GRIP1: variants seen among roughly 807,000 people sequenced by gnomAD.
The protein encoded by GRIP1 is glutamate receptor-interacting protein 1.
A neutral mutation model predicts 129.9 loss-of-function variants in GRIP1; 45 were observed. That is an observed-to-expected ratio of 0.35 (90% confidence interval 0.27 to 0.44). The LOEUF is 0.44. Ranked by LOEUF, GRIP1 falls within the 20% of genes least tolerant of loss-of-function variation. The pLI is 1.00. For synonymous variants in GRIP1, 530 were observed against 520.8 expected, an observed-to-expected ratio of 1.02 and a Z score of -0.24; for missense variants, 1,196 against 1,396.8, an observed-to-expected ratio of 0.86 and a Z score of 2.29.
intron 7 of GRIP1, among the ~76,000 whole-genome samples, chr12:66,490,024 G>T (rs2060063434): frequency 6.6e-6 from 1 of 152,114 alleles, no homozygotes; most frequent in Admixed American, 6.6e-5. Context: ...TGGATAGGAA[G>T]AATCAATATT....
intron 24 of GRIP1, among the ~76,000 whole-genome samples, chr12:66,352,436 G>A (rs564319426): frequency 1.3e-5 from 2 of 152,266 alleles, no homozygotes; most frequent in East Asian, 1.9e-4. Flanking sequence ...GCTGAAGCTA[G>A]AGAGTATACG....
intron 13 of GRIP1, among the ~76,000 whole-genome samples, chr12:66,440,466 T>C (rs1310164007): frequency 2.0e-5 from 3 of 152,204 alleles, no homozygotes; most frequent in Non-Finnish European, 4.4e-5. Flanking sequence ...CTATCATCAC[T>C]ACTCTTCCAA....
At chr12:66,622,941 T>C (rs751403954) in intron 1 of GRIP1, among the ~76,000 whole-genome samples, 1 of 152,188 alleles carries the variant, frequency 6.6e-6, no homozygotes, top group African/African-American at 2.4e-5. Context: ...CTACAAGATT[T>C]ACTATACAGA....
At chr12:66,636,952 G>A (rs1002532542) in intron 1 of GRIP1, among the ~76,000 whole-genome samples, 22 of 152,180 alleles carry the variant, frequency 1.4e-4, no homozygotes, top group African/African-American at 4.8e-4. Context: ...GACAGCCTGA[G>A]CAAACTAAGT....
intron 1 of GRIP1, among the ~76,000 whole-genome samples, chr12:66,639,924 T>A (rs942888449): frequency 6.6e-6 from 1 of 152,170 alleles, no homozygotes; most frequent in African/African-American, 2.4e-5. Flanking sequence ...TTAAACAACA[T>A]CATTCTCTAT....
chr12:67,042,035 AATTAATGCTG>A (rs2043188705), intron 1 of GRIP1, among the ~76,000 whole-genome samples: 7 of 152,254 alleles, frequency 4.6e-5, no homozygotes, highest in African/African-American at 1.7e-4. Flanking sequence ...CTCATGAGTG[AATTAATGCTG>A]TTACAGCAGG....
chr12:67,052,325 G>A (rs1403125452), intron 1 of GRIP1, among the ~76,000 whole-genome samples: 1 of 152,134 alleles, frequency 6.6e-6, no homozygotes, highest in Non-Finnish European at 1.5e-5. Context: ...ACTGCATCAT[G>A]TGTAATAACA....
At position 66,385,530 on chromosome 12, in the gene GRIP1, C is replaced by G. The variant is rs141902468; in HGVS notation, c.2465-6094G>C. On this transcript the variant is annotated intron_variant, in intron 19 of 24. Coordinates refer to ENST00000359742, the MANE Select transcript of GRIP1 (RefSeq NM_001366722.1). ...CAGCCTGGGTGATAAAAGCAAAACT[C>G]GGTCTCAAAAAATAAAATAATAAAA... is the stretch of plus-strand genomic sequence containing the variant. 2.7e-3 allele frequency among the ~76,000 whole-genome samples: 413 copies of G among 152,004 alleles called. 4 individuals are homozygous for G. The highest frequency in any genetic ancestry group is 8.6e-3 in the African/African-American group (356 of 41,460).
intron 2 of GRIP1, among the ~76,000 whole-genome samples, chr12:66,547,156 C>G: frequency 6.6e-6 from 1 of 151,954 alleles, no homozygotes; most frequent in South Asian, 2.1e-4. Flanking sequence ...TAAGTACACA[C>G]GAAAAAATGC....
At chr12:66,600,104 C>G (rs935912432) in intron 1 of GRIP1, among the ~76,000 whole-genome samples, 2 of 152,260 alleles carry the variant, frequency 1.3e-5, no homozygotes, top group South Asian at 4.1e-4. Context: ...GTATATAAAT[C>G]CCATTCTTCC....
At chr12:66,705,545 GA>G (rs1218812580) in intron 1 of GRIP1, among the ~76,000 whole-genome samples, 1 of 152,086 alleles carries the variant, frequency 6.6e-6, no homozygotes, top group Admixed American at 6.6e-5. Context: ...CACAGAATTA[GA>G]AAAAACTATT....
intron 7 of GRIP1, among the ~76,000 whole-genome samples, chr12:66,500,943 CTTCTT>C (rs1299347938): frequency 6.6e-6 from 1 of 152,210 alleles, no homozygotes; most frequent in East Asian, 1.9e-4. Flanking sequence ...TAGAGAAACT[CTTCTT>C]TAATCTTAAA....
upstream of GRIP1, among the ~76,000 whole-genome samples, chr12:66,683,266 A>C (rs2136288060): frequency 6.6e-6 from 1 of 152,278 alleles, no homozygotes; most frequent in Non-Finnish European, 1.5e-5. Context: ...CATGAGCTCA[A>C]ACATGTTATA....
chr12:66,833,154 G>A (rs2039548745), intron 1 of GRIP1, among the ~76,000 whole-genome samples: 1 of 152,200 alleles, frequency 6.6e-6, no homozygotes, highest in African/African-American at 2.4e-5. Context: ...AAGACATGGT[G>A]TTAAGGAAGG....
intron 1 of GRIP1, among the ~76,000 whole-genome samples, chr12:66,718,287 G>C (rs190599928): frequency 1.3e-5 from 2 of 152,084 alleles, no homozygotes; most frequent in African/African-American, 2.4e-5. Flanking sequence ...TGCTCCACTT[G>C]TTGAGCCTAA....
chr12:66,531,328 TATATAC>T (rs1186035242), intron 4 of GRIP1, among the ~76,000 whole-genome samples: 1 of 61,552 alleles, frequency 1.6e-5, no homozygotes, highest in African/African-American at 8.9e-5. Flanking sequence ...TACATATACA[TATATAC>T]ATATATATAC....
chr12:66,711,523 A>T (rs1009110395), intron 1 of GRIP1, among the ~76,000 whole-genome samples: 4 of 151,814 alleles, frequency 2.6e-5, no homozygotes, highest in African/African-American at 9.7e-5. Flanking sequence ...AATAAAGCAA[A>T]ATTTACTGTG....
chr12:66,539,152 T>C lies in GRIP1; in HGVS notation c.344A>G (p.Asp115Gly), dbSNP rs776421623. 6.2e-7 allele frequency: 1 copy of C among 1,614,122 alleles called. No individual in the cohort carries two copies. The highest frequency in any genetic ancestry group is 1.1e-5 in the South Asian group (1 of 91,076). ...ATTCTTCAGCAAGCTGATGATCTCG[T>C]CATGGCGGAATTTGGCCAGGTTGAT... ...NGINLAKFRH[D>G]EIISLLKNVG... Residue 115 changes from aspartate (D) to glycine (G), a missense_variant, in exon 4 of 25, where the codon GAC becomes GGC. By Grantham distance (94) the Asp-to-Gly change is moderately conservative. Coordinates refer to ENST00000359742, the MANE Select transcript of GRIP1 (RefSeq NM_001366722.1).
intron 1 of GRIP1, among the ~76,000 whole-genome samples, chr12:66,842,402 C>A (rs71452328): frequency 3.0e-3 from 462 of 152,220 alleles, no homozygotes; most frequent in Non-Finnish European, 5.8e-3. Flanking sequence ...GTTTCTGGAG[C>A]AGACTGTCTG....
Sources: allele counts gnomAD v4.1 joint callset (sites outside exome capture counted in the v4.1 genomes callset), GRCh38; gene constraint gnomAD v4.1.1; transcripts MANE v1.5; gene names NCBI Gene and HGNC (gene_info 2026-07-23, HGNC 2026-07-21).